Variants in PLGRKT observed in about 807,000 individuals in gnomAD.
PLGRKT encodes plasminogen receptor with a C-terminal lysine.
In PLGRKT, 22 loss-of-function variants were observed where a neutral mutation model predicts 18.5. The ratio of observed to expected loss-of-function variants is 1.19; its 90% CI spans 0.85 to 1.70. PLGRKT has a LOEUF of 1.70. Ranked by LOEUF, PLGRKT falls within the 40% of genes most tolerant of loss-of-function variation. PLGRKT has a pLI of 0.00. For missense variants in PLGRKT, 235 were observed against 174.4 expected, an observed-to-expected ratio of 1.35 and a Z score of -1.96; for synonymous variants, 72 against 52.8, an observed-to-expected ratio of 1.36 and a Z score of -1.58.
chr9:5,424,315 G>T (rs1308801910), intron 3 of PLGRKT, among the ~76,000 whole-genome samples: 1 of 133,632 alleles, frequency 7.5e-6, no homozygotes, highest in Non-Finnish European at 1.5e-5. Context: ...AATGTGATGT[G>T]TACCTATAGT....
At chr9:5,361,246 GTATACT>G (rs1817258941) in intron 4 of PLGRKT, 59 bp from the exon 5 acceptor site, 1 of 928,066 alleles carries the variant, frequency 1.1e-6, no homozygotes, top group Admixed American at 2.3e-5. Flanking sequence ...ATACATATCT[GTATACT>G]TAAAGAAAAA....
chr9:5,424,596 T>C (rs1818650369), intron 3 of PLGRKT, among the ~76,000 whole-genome samples: 1 of 127,370 alleles, frequency 7.9e-6, no homozygotes, highest in East Asian at 2.0e-4. Flanking sequence ...TATTATACAG[T>C]AATATAATAT....
chr9:5,366,627 A>G (rs1461028675), intron 3 of PLGRKT, among the ~76,000 whole-genome samples: 2 of 152,170 alleles, frequency 1.3e-5, no homozygotes, highest in African/African-American at 4.8e-5. Flanking sequence ...TGACAAACTC[A>G]CAGCCTATGA....
intron 3 of PLGRKT, among the ~76,000 whole-genome samples, chr9:5,419,701 GAA>G (rs540033050): frequency 6.7e-6 from 1 of 150,078 alleles, no homozygotes; most frequent in African/African-American, 2.4e-5. Flanking sequence ...AATTTGGGGG[GAA>G]AAAAAAAGAG....
chr9:5,379,160 T>A (rs561797472), intron 3 of PLGRKT, among the ~76,000 whole-genome samples: 1 of 152,268 alleles, frequency 6.6e-6, no homozygotes, highest in Admixed American at 6.5e-5. Flanking sequence ...ACACAAACAT[T>A]ACAGATTTTC....
chr9:5,406,275 T>C (rs990822170), intron 3 of PLGRKT, among the ~76,000 whole-genome samples: 2 of 152,146 alleles, frequency 1.3e-5, no homozygotes, highest in Non-Finnish European at 2.9e-5. Flanking sequence ...ACCCAAAGGA[T>C]TATAAATCAT....
chr9:5,392,961 C>A (rs1428231190), intron 3 of PLGRKT, among the ~76,000 whole-genome samples: 9 of 151,732 alleles, frequency 5.9e-5, no homozygotes, highest in Non-Finnish European at 1.0e-4. Flanking sequence ...CCTGCCTCAG[C>A]CTCCCGAGTA....
chr9:5,386,166 T>C lies in PLGRKT; in HGVS notation c.82-24278A>G, dbSNP rs559409637. Among the ~76,000 whole-genome samples the C allele has an allele frequency of 5.3e-5, 8 of 151,966 alleles. No individual in the cohort carries two copies. In the South Asian group the frequency reaches 8.3e-4, roughly 16 times the overall value. On this transcript the variant is annotated intron_variant, in intron 3 of 5. Transcript: ENST00000223864. ...TCTCTGACCCAGGAGTCATGTGTCTTCCACCAGCATCTGTGAAACTATGGC... is the reference window on the plus strand; with the variant it reads ...TCTCTGACCCAGGAGTCATGTGTCTCCCACCAGCATCTGTGAAACTATGGC...
In PLGRKT at chr9:5,406,112, G is replaced by A. The variant is rs1818250005; in HGVS notation, c.81+25785C>T. On this transcript the variant is annotated intron_variant, in intron 3 of 5. Coordinates refer to ENST00000223864, the MANE Select transcript of PLGRKT (RefSeq NM_018465.4). ...ATTATTAAAAAATCAAGAAACAACAGATGCTGGCAGTATTGAGGCGAAATA... is the reference window on the plus strand; with the variant it reads ...ATTATTAAAAAATCAAGAAACAACAAATGCTGGCAGTATTGAGGCGAAATA... Among the ~76,000 whole-genome samples the A allele has an allele frequency of 2.0e-5, 3 of 152,178 alleles. No homozygotes were observed. In the South Asian group the frequency reaches 6.2e-4, roughly 32 times the overall value.
intron 3 of PLGRKT, among the ~76,000 whole-genome samples, chr9:5,378,985 A>G (rs1052608747): frequency 1.3e-5 from 2 of 152,186 alleles, no homozygotes; most frequent in Non-Finnish European, 2.9e-5. Context: ...GAAAGTTGAA[A>G]TCACATAGGC....
intron 3 of PLGRKT, among the ~76,000 whole-genome samples, chr9:5,405,009 G>A (rs940477653): frequency 2.0e-5 from 3 of 152,064 alleles, no homozygotes; most frequent in Non-Finnish European, 4.4e-5. Flanking sequence ...GCCAAATCAT[G>A]AATGAACTCC....
At chr9:5,371,166 TG>T (rs1302791419) in intron 3 of PLGRKT, among the ~76,000 whole-genome samples, 17 of 152,220 alleles carry the variant, frequency 1.1e-4, no homozygotes, top group Non-Finnish European at 7.3e-5. Context: ...GGCAAAAACC[TG>T]TGTTTTATGC....
chr9:5,388,022 A>G (rs1817878056), intron 3 of PLGRKT, among the ~76,000 whole-genome samples: 1 of 151,984 alleles, frequency 6.6e-6, no homozygotes, highest in South Asian at 2.1e-4. Flanking sequence ...AGTTTGGTAT[A>G]GCAGTCTGTA....
chr9:5,368,506 T>A (rs555584026), intron 3 of PLGRKT, among the ~76,000 whole-genome samples: 82 of 152,288 alleles, frequency 5.4e-4, no homozygotes, highest in African/African-American at 1.8e-3. Flanking sequence ...ACTCATGTTC[T>A]CACTTGTAAG....
chr9:5,411,683 G>A (rs1802444221), intron 3 of PLGRKT, among the ~76,000 whole-genome samples: 1 of 152,168 alleles, frequency 6.6e-6, no homozygotes, highest in Non-Finnish European at 1.5e-5. Flanking sequence ...TCCTCTTGCT[G>A]GCTAGGTAAG....
intron 3 of PLGRKT, among the ~76,000 whole-genome samples, chr9:5,431,091 G>A (rs958662053): frequency 2.6e-5 from 4 of 152,192 alleles, no homozygotes; most frequent in Non-Finnish European, 4.4e-5. Context: ...TCCCTGTAGA[G>A]GCTCTAAAGA....
chr9:5,418,594 G>A lies in PLGRKT; in HGVS notation c.81+13303C>T. The A allele has an allele frequency of 1.3e-6, 1 of 746,260 alleles. No individual in the cohort carries two copies. Among genetic ancestry groups the A allele is most frequent in the Non-Finnish European group, 2.5e-6 (1 of 403,748 alleles). 46.2% of individuals were successfully genotyped at this position (746,260 alleles called of 1,614,324 possible). A position where few individuals can be genotyped will look rare whatever the true frequency, so the allele number is the denominator to read the frequency against. On this transcript the variant is annotated intron_variant, in intron 3 of 5. Transcript: ENST00000223864. This position sits in a 1 kb window ranked among gnomAD's most constrained non-coding sequence, Gnocchi z 4.2. ...AGCAGGGATGGTCACCACAGTGACG[G>A]ACTTCTGCCGGTTCCTGGGCAGCAG...
At chr9:5,365,703 T>A (rs1817370571) in intron 3 of PLGRKT, among the ~76,000 whole-genome samples, 1 of 152,234 alleles carries the variant, frequency 6.6e-6, no homozygotes, top group Non-Finnish European at 1.5e-5. Context: ...TCAATGTTAG[T>A]TTCTTATTTG....
intron 3 of PLGRKT, among the ~76,000 whole-genome samples, chr9:5,409,203 G>A (rs189842967): frequency 2.2e-3 from 336 of 152,314 alleles, no homozygotes; most frequent in Middle Eastern, 6.8e-3. Context: ...AGGATGCAAA[G>A]TATTAATCCT....
Sources: gnomAD v4.1 joint callset for allele counts (sites outside exome capture counted in the v4.1 genomes callset) on GRCh38, gnomAD v4.1.1 for gene constraint, Gnocchi (gnomAD v3.1) non-coding constraint, MANE v1.5 for transcripts, NCBI Gene and HGNC (gene_info 2026-07-23, HGNC 2026-07-21) for gene names.